Variants in LDLRAP1 observed in about 807,000 individuals in gnomAD.
LDLRAP1 encodes the protein low density lipoprotein receptor adapter protein 1.
Under a neutral mutation model 37.8 loss-of-function variants are expected in LDLRAP1, and 30 were observed. That is an observed-to-expected ratio of 0.79 (90% CI 0.59 to 1.08). The LOEUF (loss-of-function observed/expected upper bound fraction) is 1.08. Among genes scored for constraint, LDLRAP1 ranks in the 50% least tolerant of loss-of-function variants. The pLI is 0.00. For missense variants in LDLRAP1, 375 were observed against 401.6 expected (o/e 0.93, Z 0.57); for synonymous variants, 156 against 169.8 (o/e 0.92, Z 0.63).
In LDLRAP1 at chr1:25,568,448, G is replaced by A. The variant is rs2044541960; in HGVS notation, c.*1456G>A. 6.6e-6 allele frequency: 1 copy of A among 152,240 alleles called. No homozygotes were observed. The highest frequency in any genetic ancestry group is 1.5e-5 in the Non-Finnish European group (1 of 68,070). The allele number at this position is 152,240 out of a possible 1,614,324, so 9.4% of individuals were successfully genotyped here. A position where few individuals can be genotyped will look rare whatever the true frequency, so the allele number is the denominator to read the frequency against. The stretch of plus-strand genomic sequence containing the variant: ...TCCAGCATCTTTTCCATCCTGAGGT[G>A]CCTCCCAGTGGCCTGGCTTGTCGGA... On this transcript the variant is annotated 3_prime_UTR_variant, in exon 9 of 9. Transcript: ENST00000374338.
At chr1:25,577,335 A>G in the LDLRAP1 span, among the ~76,000 whole-genome samples, 2 of 152,056 alleles carry the variant, frequency 1.3e-5, no homozygotes, top group Admixed American at 6.6e-5. Context: ...GCGAGCCTGG[A>G]TGGCTAGGCA....
the LDLRAP1 span, among the ~76,000 whole-genome samples, chr1:25,576,432 A>C: frequency 6.6e-6 from 1 of 152,196 alleles, no homozygotes; most frequent in African/African-American, 2.4e-5. Flanking sequence ...AGGCTGGGGC[A>C]GGAGAATCAC....
the LDLRAP1 span, chr1:25,590,294 T>C: frequency 1.3e-5 from 2 of 152,230 alleles, no homozygotes; most frequent in Non-Finnish European, 2.9e-5. Flanking sequence ...CCCTGCAGAC[T>C]GGCCTGGTCC....
At position 25,543,783 on chromosome 1, in the gene LDLRAP1, C is replaced by G; in HGVS notation, c.85C>G (p.Arg29Gly). The change falls in exon 1 of 9, where the codon CGC (arginine) becomes GGC (glycine). Residue 29 changes from arginine (R) to glycine (G), a missense_variant. Transcript: ENST00000374338. ...GAGCTGGGGGGGCGGTGGCCGGCAC[C>G]GCAGTGAGTGTGCGCGCGTCAGCCG... ...KQSWGGGGRH[R>G]KLPENWTDTR... 1.7e-6 allele frequency: 2 copies of G among 1,206,854 alleles called. No homozygotes were observed. Among genetic ancestry groups the G allele is most frequent in the Non-Finnish European group, 2.1e-6 (2 of 971,502 alleles). The allele number at this position is 1,206,854 out of a possible 1,614,324, so 74.8% of individuals were successfully genotyped here.
chr1:25,571,198 T>C (rs1204168885), downstream of LDLRAP1, among the ~76,000 whole-genome samples: 1 of 152,240 alleles, frequency 6.6e-6, no homozygotes, highest in Non-Finnish European at 1.5e-5. Context: ...TGGAAGCTGC[T>C]GGCCAGTGGG....
downstream of LDLRAP1, among the ~76,000 whole-genome samples, chr1:25,570,433 G>A (rs1390306341): frequency 6.6e-6 from 1 of 152,182 alleles, no homozygotes; most frequent in Admixed American, 6.5e-5. Context: ...CCCATCCCAT[G>A]TACATCTGGG....
intron 7 of LDLRAP1, 198 bp from the exon 8 acceptor site, chr1:25,564,975 G>T: frequency 1.6e-6 from 1 of 622,466 alleles, no homozygotes. Flanking sequence ...CCTCTCCCAC[G>T]TCTCCAGCTT....
At chr1:25,552,147 G>A (rs542098346) in intron 1 of LDLRAP1, among the ~76,000 whole-genome samples, 1 of 152,204 alleles carries the variant, frequency 6.6e-6, no homozygotes, top group Non-Finnish European at 1.5e-5. Context: ...TAGGATAGGA[G>A]CTGAGAGGGG....
chr1:25,556,830 A>G (rs1459907272), intron 3 of LDLRAP1, among the ~76,000 whole-genome samples: 3 of 152,232 alleles, frequency 2.0e-5, no homozygotes, highest in African/African-American at 7.2e-5. Context: ...AGGTCTAGAA[A>G]GCTCTTGGCA....
At chr1:25,588,684 A>G in the LDLRAP1 span, among the ~76,000 whole-genome samples, 2 of 152,130 alleles carry the variant, frequency 1.3e-5, no homozygotes, top group African/African-American at 4.8e-5. Context: ...GATCCTCCAT[A>G]TGCTGAACGC....
chr1:25,573,039 T>C (rs1262443622), downstream of LDLRAP1, among the ~76,000 whole-genome samples: 1 of 139,714 alleles, frequency 7.2e-6, no homozygotes, highest in Non-Finnish European at 1.5e-5. Context: ...TATCTCAGTC[T>C]CCTCACCTGT....
At position 25,567,027 on chromosome 1, in the gene LDLRAP1, C is replaced by A. The variant is rs778553491; in HGVS notation, c.*35C>A. The A allele has an allele frequency of 1.9e-6, 3 of 1,612,642 alleles. No individual in the cohort carries two copies. The South Asian group carries it at 3.3e-5, about 18-fold the overall frequency. ...GCCAGCCGGACACAAGCGGCCCTGACACGTGATGGACCAAAGCCACCTGCT... is the reference window on the plus strand; with the variant it reads ...GCCAGCCGGACACAAGCGGCCCTGAAACGTGATGGACCAAAGCCACCTGCT... On this transcript the variant is annotated 3_prime_UTR_variant, in exon 9 of 9. Coordinates refer to ENST00000374338, the MANE Select transcript of LDLRAP1 (RefSeq NM_015627.3).
At chr1:25,559,681 A>G (rs2044296738) in intron 4 of LDLRAP1, among the ~76,000 whole-genome samples, 3 of 152,226 alleles carry the variant, frequency 2.0e-5, no homozygotes, top group South Asian at 2.1e-4. Flanking sequence ...TAAATACATC[A>G]CCTGCTACCT....
chr1:25,586,565 C>CGT, the LDLRAP1 span, among the ~76,000 whole-genome samples: 2 of 149,092 alleles, frequency 1.3e-5, no homozygotes, highest in Non-Finnish European at 3.0e-5. The surrounding 1 kb of genome is among the most constrained non-coding windows in gnomAD (Gnocchi z 4.3). Flanking sequence ...TGTGTACGTG[C>CGT]GTGTGTGTGC....
In LDLRAP1 at chr1:25,563,801, T is replaced by G; in HGVS notation, c.747+10T>G. ...CAGCAGTGTTGTCTGGGTGAGTGGT[T>G]GTGTGGCCAGCAGATCGGTGATCCT... On this transcript the variant is annotated intron_variant, in intron 7 of 8. Transcript: ENST00000374338. The G allele has an allele frequency of 6.2e-7, 1 of 1,613,514 alleles. No individual in the cohort carries two copies. The highest frequency in any genetic ancestry group is 8.5e-7 in the Non-Finnish European group (1 of 1,179,998).
At chr1:25,585,767 A>G in the LDLRAP1 span, among the ~76,000 whole-genome samples, 2 of 151,622 alleles carry the variant, frequency 1.3e-5, no homozygotes, top group African/African-American at 4.8e-5. Context: ...TCTACTGCCT[A>G]CTCCTGGGAG....
chr1:25,566,857 G>A lies in LDLRAP1; in HGVS notation c.792G>A (p.Gln264=), dbSNP rs1450039386. The part of the protein sequence containing the change: ...GLDEAFSRLA[Q]SRTNPQVLDT... Reference sequence around the variant, plus strand: ...CAGCTCTGCCTTCCAGGCTTGCCCAGTCTCGGACAAACCCTCAGGTCCTGG... The same window carrying A: ...CAGCTCTGCCTTCCAGGCTTGCCCAATCTCGGACAAACCCTCAGGTCCTGG... The change falls in exon 9 of 9, where the codon CAG becomes CAA. Residue 264 remains glutamine (Q), a synonymous_variant. Coordinates refer to ENST00000374338, the MANE Select transcript of LDLRAP1 (RefSeq NM_015627.3). The A allele has an allele frequency of 6.2e-7, 1 of 1,610,360 alleles. No individual in the cohort carries two copies. Among genetic ancestry groups the A allele is most frequent in the Non-Finnish European group, 8.5e-7 (1 of 1,178,686 alleles).
chr1:25,588,497 G>A, the LDLRAP1 span, among the ~76,000 whole-genome samples: 1 of 152,204 alleles, frequency 6.6e-6, no homozygotes, highest in South Asian at 2.1e-4. Context: ...TTATGTGTAT[G>A]CATATCTAAA....
At chr1:25,569,955 CGG>C (rs1424055495), downstream of LDLRAP1, among the ~76,000 whole-genome samples, 1 of 152,212 alleles carries the variant, frequency 6.6e-6, no homozygotes, top group Non-Finnish European at 1.5e-5. Context: ...TTGACCTGTG[CGG>C]TGACCCTCAC....
Sources: allele counts gnomAD v4.1 joint callset (sites outside exome capture counted in the v4.1 genomes callset), GRCh38; gene constraint gnomAD v4.1.1; non-coding constraint Gnocchi (gnomAD v3.1); transcripts MANE v1.5; gene names NCBI Gene and HGNC (gene_info 2026-07-23, HGNC 2026-07-21).